The following GALNT10 variants were observed in gnomAD, a reference collection of about 807,000 sequenced individuals.
The protein encoded by GALNT10 is GalNAc transferase 10.
GALNT10 carries 41 observed loss-of-function variants against 75.0 expected under a neutral mutation model. That is an observed-to-expected ratio of 0.55 (90% CI 0.43 to 0.71). The LOEUF is 0.71. GALNT10 is among the 30% of genes least tolerant of loss of function. GALNT10 has a pLI of 0.00. For missense variants in GALNT10, 727 were observed against 818.5 expected, an observed-to-expected ratio of 0.89 and a Z score of 1.36; for synonymous variants, 302 against 313.0, an observed-to-expected ratio of 0.96 and a Z score of 0.37.
chr5:154,381,747 C>T (rs1035771748), intron 6 of GALNT10, among the ~76,000 whole-genome samples: 1 of 152,220 alleles, frequency 6.6e-6, no homozygotes, highest in Non-Finnish European at 1.5e-5. Flanking sequence ...CTGCCTCCAA[C>T]TTTAAAGCCA....
At chr5:154,395,926 G>A (rs1756007973) in intron 7 of GALNT10, among the ~76,000 whole-genome samples, 1 of 152,208 alleles carries the variant, frequency 6.6e-6, no homozygotes, top group Non-Finnish European at 1.5e-5. Flanking sequence ...AGCCAGCTGT[G>A]TTTCAACATG....
intron 1 of GALNT10, among the ~76,000 whole-genome samples, chr5:154,260,373 G>A (rs950689858): frequency 6.6e-6 from 1 of 152,178 alleles, no homozygotes; most frequent in African/African-American, 2.4e-5. Flanking sequence ...TTCTTGCTGA[G>A]GAGGGAGGAT....
intron 1 of GALNT10, among the ~76,000 whole-genome samples, chr5:154,292,739 T>C (rs1008781146): frequency 6.6e-6 from 1 of 152,212 alleles, no homozygotes; most frequent in Non-Finnish European, 1.5e-5. Flanking sequence ...TGTCTTCAAA[T>C]GAAATCCCAC....
chr5:154,313,946 G>C lies in GALNT10; in HGVS notation c.402-15626G>C, dbSNP rs147408605. Among the ~76,000 whole-genome samples the C allele has an allele frequency of 2.1e-3, 323 of 152,298 alleles. 1 individual carries two copies. Among genetic ancestry groups the C allele is most frequent in the African/African-American group, 7.6e-3 (316 of 41,566 alleles). On this transcript the variant is annotated intron_variant, in intron 3 of 11. Coordinates refer to ENST00000297107, the MANE Select transcript of GALNT10 (RefSeq NM_198321.4). ...CTGACTTCCACTTAGTCAGTTTCTT[G>C]ATGGCTCCAAGACGACTGGACATAG...
At chr5:154,410,696 G>T (rs1165491027) in intron 9 of GALNT10, among the ~76,000 whole-genome samples, 1 of 152,152 alleles carries the variant, frequency 6.6e-6, no homozygotes, top group African/African-American at 2.4e-5. Flanking sequence ...GCCCTTCTTA[G>T]CACACCCAGA....
chr5:154,386,192 T>C (rs1415365239), intron 6 of GALNT10, 121 bp from the exon 7 acceptor site: 3 of 709,072 alleles, frequency 4.2e-6, no homozygotes, highest in Admixed American at 2.4e-5. Flanking sequence ...TGGAAGACAC[T>C]TGGACTGTGT....
chr5:154,348,231 T>C lies in GALNT10; in HGVS notation c.568+18493T>C, dbSNP rs142221241. 4.8e-4 allele frequency among the ~76,000 whole-genome samples: 73 copies of C among 152,356 alleles called. No homozygotes were observed. The South Asian group carries it at 8.3e-3, about 17-fold the overall frequency. On this transcript the variant is annotated intron_variant, in intron 4 of 11. Transcript: ENST00000297107. ...CAGTCATTTGTTTCTCTTCTGTCAT[T>C]TGCATTTTGATGGACAGCCATATGT...
chr5:154,266,780 AC>A (rs1753780803), intron 1 of GALNT10, among the ~76,000 whole-genome samples: 1 of 152,038 alleles, frequency 6.6e-6, no homozygotes, highest in Non-Finnish European at 1.5e-5. Context: ...CACACAAGAG[AC>A]TGAGGTGGAA....
At chr5:154,215,678 G>C (rs564148052) in intron 1 of GALNT10, among the ~76,000 whole-genome samples, 14 of 152,278 alleles carry the variant, frequency 9.2e-5, no homozygotes, top group African/African-American at 3.4e-4. Flanking sequence ...ATACTGTCAT[G>C]GTTAAAAATG....
intron 4 of GALNT10, among the ~76,000 whole-genome samples, chr5:154,332,185 C>G (rs1207633446): frequency 2.6e-5 from 4 of 152,234 alleles, no homozygotes; most frequent in Non-Finnish European, 5.9e-5. Flanking sequence ...GAGCGAACTG[C>G]TCAAGTGATT....
At chr5:154,381,756 CAGA>C (rs1755738354) in intron 6 of GALNT10, among the ~76,000 whole-genome samples, 1 of 152,214 alleles carries the variant, frequency 6.6e-6, no homozygotes, top group African/African-American at 2.4e-5. Flanking sequence ...ACTTTAAAGC[CAGA>C]AGGATAGAAT....
chr5:154,247,445 A>G (rs1424277700), intron 1 of GALNT10, among the ~76,000 whole-genome samples: 1 of 152,240 alleles, frequency 6.6e-6, no homozygotes, highest in African/African-American at 2.4e-5. Flanking sequence ...ACCCGTGAGC[A>G]TGGAATGTTC....
In GALNT10 at chr5:154,376,560, GC is replaced by G; in HGVS notation, c.754+100del. 1 of 806,394 alleles carries G rather than the reference GC, an allele frequency of 1.2e-6. No homozygotes were observed. Among genetic ancestry groups the G allele is most frequent in the Non-Finnish European group, 1.9e-6 (1 of 516,556 alleles). The allele number at this position is 806,394 out of a possible 1,614,324, so 50.0% of individuals were successfully genotyped here. A position where few individuals can be genotyped will look rare whatever the true frequency, so the allele number is the denominator to read the frequency against. On this transcript the variant is annotated intron_variant, in intron 5 of 11. Coordinates refer to ENST00000297107, the MANE Select transcript of GALNT10 (RefSeq NM_198321.4). The surrounding 1 kb of genome is among the most constrained non-coding windows in gnomAD (Gnocchi z 4.1). ...GGGAGCCATCCATAAGCCTTCCCTT[GC>G]CTGTTCGAGATGCCCCCAGCACAAT...
chr5:154,312,553 A>G (rs1754537454), intron 3 of GALNT10, among the ~76,000 whole-genome samples: 1 of 152,200 alleles, frequency 6.6e-6, no homozygotes, highest in South Asian at 2.1e-4. Flanking sequence ...TTCACTTAAT[A>G]TATTGTGGTC....
intron 4 of GALNT10, among the ~76,000 whole-genome samples, chr5:154,362,626 G>A (rs1481259017): frequency 6.6e-6 from 1 of 152,132 alleles, no homozygotes. Context: ...ATAGCATCTT[G>A]GAACTGTGAA....
chr5:154,252,208 A>G (rs184284530), intron 1 of GALNT10, among the ~76,000 whole-genome samples: 297 of 152,214 alleles, frequency 2.0e-3, no homozygotes, highest in African/African-American at 6.7e-3. Context: ...TCCTGTATCT[A>G]TGTTATACCA....
rs1243316302 is a variant in GALNT10 at position 154,412,195 on chromosome 5, A to G, written c.1387-694A>G. Among the ~76,000 whole-genome samples, 1 of 152,186 alleles carries G rather than the reference A, an allele frequency of 6.6e-6. No individual in the cohort carries two copies. Among genetic ancestry groups the G allele is most frequent in the African/African-American group, 2.4e-5 (1 of 41,444 alleles). On this transcript the variant is annotated intron_variant, in intron 9 of 11. Transcript: ENST00000297107. This position sits in a 1 kb window ranked among gnomAD's most constrained non-coding sequence, Gnocchi z 4.2. ...ATCCCTCAGATAAAGTAGGATTGAT[A>G]TCTGTAAGGTTGGAACTACATGATG...
intron 1 of GALNT10, among the ~76,000 whole-genome samples, chr5:154,254,530 T>TTTA (rs1753577129): frequency 7.3e-5 from 11 of 151,084 alleles, no homozygotes; most frequent in Admixed American, 5.3e-4. Flanking sequence ...TTTTTCTGTC[T>TTTA]CCAGGTAACT....
intron 1 of GALNT10, among the ~76,000 whole-genome samples, chr5:154,236,789 C>G (rs58599922): frequency 6.6e-6 from 1 of 152,120 alleles, no homozygotes; most frequent in Non-Finnish European, 1.5e-5. Context: ...AAATGTACCA[C>G]CGAGCTGGAA....
Sources: allele counts gnomAD v4.1 joint callset (sites outside exome capture counted in the v4.1 genomes callset), GRCh38; gene constraint gnomAD v4.1.1; non-coding constraint Gnocchi (gnomAD v3.1); transcripts MANE v1.5; gene names NCBI Gene and HGNC (gene_info 2026-07-23, HGNC 2026-07-21).